Variants in TNNI3K observed in about 807,000 individuals in gnomAD.
TNNI3K encodes serine/threonine-protein kinase TNNI3K.
In TNNI3K, 140 loss-of-function variants were observed where a neutral mutation model predicts 114.5. The observed-to-expected ratio is 1.22, with a 90% confidence interval of 1.07 to 1.41. TNNI3K has a LOEUF of 1.41. Ranked by LOEUF, TNNI3K falls within the 40% of genes most tolerant of loss-of-function variation. TNNI3K has a pLI of 0.00. For missense variants in TNNI3K, 1,125 were observed against 1,007.6 expected (o/e 1.12, Z -1.58); for synonymous variants, 347 against 347.5 (o/e 1.00, Z 0.02).
At chr1:74,357,651 T>C (rs903719067) in intron 11 of TNNI3K, among the ~76,000 whole-genome samples, 10 of 152,112 alleles carry the variant, frequency 6.6e-5, no homozygotes, top group African/African-American at 2.4e-4. Context: ...TCAAAATCAA[T>C]CTTGAAAATA....
intron 20 of TNNI3K, among the ~76,000 whole-genome samples, chr1:74,451,681 T>C (rs1013246348): frequency 1.0e-4 from 4 of 39,920 alleles, no homozygotes; most frequent in Admixed American, 3.6e-4. Flanking sequence ...TCTTTTCTTT[T>C]CTTTTCTTTC....
intron 5 of TNNI3K, among the ~76,000 whole-genome samples, chr1:74,291,731 G>C (rs1404244217): frequency 6.6e-6 from 1 of 151,344 alleles, no homozygotes; most frequent in African/African-American, 2.4e-5. Context: ...AATCCCCCAA[G>C]ACTCAATTTC....
At chr1:74,329,692 A>G (rs975221303) in intron 5 of TNNI3K, among the ~76,000 whole-genome samples, 2 of 152,094 alleles carry the variant, frequency 1.3e-5, no homozygotes, top group African/African-American at 4.8e-5. Flanking sequence ...ACAAAGCTTG[A>G]GGCAAGAGAC....
chr1:74,436,023 AT>A, intron 17 of TNNI3K, 56 bp from the exon 18 acceptor site: 1 of 1,574,620 alleles, frequency 6.4e-7, no homozygotes, highest in South Asian at 1.2e-5. Context: ...GGCCAATTAG[AT>A]TAGGACATAG....
intron 7 of TNNI3K, among the ~76,000 whole-genome samples, chr1:74,337,384 G>A (rs1005357533): frequency 4.6e-5 from 7 of 151,564 alleles, no homozygotes; most frequent in African/African-American, 1.5e-4. Flanking sequence ...TTTGGCTTTT[G>A]TTGCCATTGC....
chr1:74,490,014 A>G (rs1557602128), intron 22 of TNNI3K, among the ~76,000 whole-genome samples: 1 of 150,596 alleles, frequency 6.6e-6, no homozygotes, highest in African/African-American at 2.5e-5. Flanking sequence ...CTAAGTCTCA[A>G]AGTGGAACCA....
rs115381461 is a variant in TNNI3K at position 74,276,896 on chromosome 1, G to A, written c.444+5188G>A. Among the ~76,000 whole-genome samples, 1,455 of 152,148 alleles carry A rather than the reference G, an allele frequency of 9.6e-3. 20 individuals carry two copies. The highest frequency in any genetic ancestry group is 0.034 in the African/African-American group (1,408 of 41,510). On this transcript the variant is annotated intron_variant, in intron 5 of 24. Coordinates refer to ENST00000326637, the MANE Select transcript of TNNI3K (RefSeq NM_015978.3). ...CCTAGACATGCTGACTACAATTTGG[G>A]ACTCAGATTTAAATTTACTGTGCTT...
intron 5 of TNNI3K, among the ~76,000 whole-genome samples, chr1:74,326,866 G>A (rs1247849667): frequency 2.0e-5 from 3 of 151,874 alleles, no homozygotes; most frequent in Non-Finnish European, 2.9e-5. Flanking sequence ...CAAGGTGGGC[G>A]GATCATGAAA....
intron 17 of TNNI3K, among the ~76,000 whole-genome samples, chr1:74,433,876 A>G (rs1209457399): frequency 1.3e-5 from 2 of 151,982 alleles, no homozygotes; most frequent in African/African-American, 4.8e-5. Context: ...CTCACTGTGT[A>G]TATTATTGCT....
chr1:74,453,969 G>A (rs895127106), intron 20 of TNNI3K, among the ~76,000 whole-genome samples: 8 of 152,100 alleles, frequency 5.3e-5, no homozygotes, highest in Admixed American at 3.3e-4. Flanking sequence ...ATATGTTTCA[G>A]GCTAACACCG....
At chr1:74,423,891 A>G (rs1665510108) in intron 17 of TNNI3K, among the ~76,000 whole-genome samples, 2 of 152,166 alleles carry the variant, frequency 1.3e-5, no homozygotes, top group Admixed American at 1.3e-4. Context: ...CCCCGCACAG[A>G]GTAATACTTA....
At chr1:74,274,426 T>C (rs1206235324) in intron 5 of TNNI3K, among the ~76,000 whole-genome samples, 1 of 152,012 alleles carries the variant, frequency 6.6e-6, no homozygotes, top group East Asian at 1.9e-4. Flanking sequence ...AAATAGTCAC[T>C]GTCAATATAT....
chr1:74,500,561 G>A (rs531231329), intron 23 of TNNI3K, among the ~76,000 whole-genome samples: 161 of 126,044 alleles, frequency 1.3e-3, no homozygotes, highest in African/African-American at 4.3e-3. Flanking sequence ...CTGAGATCCC[G>A]CCACTGCACT....
At chr1:74,464,112 A>G (rs1411128996) in intron 21 of TNNI3K, among the ~76,000 whole-genome samples, 2 of 152,242 alleles carry the variant, frequency 1.3e-5, no homozygotes, top group African/African-American at 4.8e-5. Flanking sequence ...AAATACGGTC[A>G]TAGGTCTAAA....
chr1:74,512,011 G>A (rs867624457), intron 23 of TNNI3K, among the ~76,000 whole-genome samples: 2 of 152,154 alleles, frequency 1.3e-5, no homozygotes, highest in African/African-American at 2.4e-5. Context: ...AAATCGGAAG[G>A]AAGAGGGCAG....
intron 5 of TNNI3K, among the ~76,000 whole-genome samples, chr1:74,281,682 G>A (rs1249750019): frequency 6.6e-6 from 1 of 151,970 alleles, no homozygotes; most frequent in East Asian, 1.9e-4. Context: ...TCATTGCAAT[G>A]TGAATGACAT....
intron 23 of TNNI3K, among the ~76,000 whole-genome samples, chr1:74,515,004 G>A (rs1361784919): frequency 6.6e-6 from 1 of 152,102 alleles, no homozygotes; most frequent in Non-Finnish European, 1.5e-5. Flanking sequence ...AGGGACTGAA[G>A]TGCTCTACCT....
intron 7 of TNNI3K, 140 bp from the exon 8 acceptor site, chr1:74,342,702 A>T (rs1193057770): frequency 1.2e-4 from 137 of 1,127,036 alleles, no homozygotes; most frequent in Non-Finnish European, 1.3e-4. Context: ...GGTCGCCCTT[A>T]ATTTCCTTTA....
At chr1:74,398,533 A>G (rs902184432) in intron 17 of TNNI3K, among the ~76,000 whole-genome samples, 4 of 152,242 alleles carry the variant, frequency 2.6e-5, no homozygotes, top group Non-Finnish European at 5.9e-5. Flanking sequence ...CAAAGCATTC[A>G]AGTAGATTTT....
Sources: allele counts gnomAD v4.1 joint callset (sites outside exome capture counted in the v4.1 genomes callset), GRCh38; gene constraint gnomAD v4.1.1; transcripts MANE v1.5; gene names NCBI Gene and HGNC (gene_info 2026-07-23, HGNC 2026-07-21).